Variants in LINGO3 observed in about 807,000 individuals in gnomAD.
LINGO3 encodes the protein leucine-rich repeat and immunoglobulin-like domain-containing nogo receptor-interacting protein 3.
For missense variants in LINGO3, 750 were observed against 867.7 expected, an observed-to-expected ratio of 0.86 and a Z score of 1.70; for synonymous variants, 427 against 444.2, an observed-to-expected ratio of 0.96 and a Z score of 0.49.
the LINGO3 span, among the ~76,000 whole-genome samples, chr19:2,302,326 G>T: frequency 3.3e-5 from 5 of 152,174 alleles, no homozygotes; most frequent in Non-Finnish European, 1.5e-5. Context: ...CTCCCAAAGT[G>T]CTGGGATGAC....
At chr19:2,307,235 CAGCTTCTGGGGCACATCGCCTCAGA>C in the LINGO3 span, among the ~76,000 whole-genome samples, 1 of 152,234 alleles carries the variant, frequency 6.6e-6, no homozygotes, top group African/African-American at 2.4e-5. Flanking sequence ...TGCTAAAATG[CAGCTTCTGGGGCACATCGCCTCAGA>C]AGTTCTGACT....
At chr19:2,295,021 T>G (rs142992944), upstream of LINGO3, among the ~76,000 whole-genome samples, 61 of 152,256 alleles carry the variant, frequency 4.0e-4, no homozygotes, top group East Asian at 0.01. Flanking sequence ...GATCCTCATT[T>G]GCTAAATATC....
At chr19:2,295,466 G>A (rs2025564218), upstream of LINGO3, among the ~76,000 whole-genome samples, 1 of 152,222 alleles carries the variant, frequency 6.6e-6, no homozygotes, top group South Asian at 2.1e-4. Flanking sequence ...CCGGCGCGGT[G>A]GCTCACGCCT....
the LINGO3 span, among the ~76,000 whole-genome samples, chr19:2,302,352 A>G: frequency 0.041 from 6,232 of 152,192 alleles, 440 homozygotes; most frequent in African/African-American, 0.14. Context: ...CTGAGCCACA[A>G]TGCCCGGCCC....
chr19:2,303,683 G>A, the LINGO3 span, among the ~76,000 whole-genome samples: 2 of 152,200 alleles, frequency 1.3e-5, no homozygotes, highest in Non-Finnish European at 2.9e-5. Flanking sequence ...ACCCCAGGTC[G>A]CCCTGCCTCA....
At chr19:2,301,299 T>C in the LINGO3 span, among the ~76,000 whole-genome samples, 1 of 151,070 alleles carries the variant, frequency 6.6e-6, no homozygotes, top group African/African-American at 2.4e-5. Flanking sequence ...AGGTCTCTCT[T>C]TCTTGGCCCC....
upstream of LINGO3, among the ~76,000 whole-genome samples, chr19:2,296,918 C>T (rs1200826666): frequency 6.6e-6 from 1 of 151,646 alleles, no homozygotes; most frequent in Non-Finnish European, 1.5e-5. Flanking sequence ...GAAACCCCGT[C>T]TCTACTAAAA....
upstream of LINGO3, among the ~76,000 whole-genome samples, chr19:2,293,781 G>A (rs907632212): frequency 4.0e-5 from 6 of 151,814 alleles, no homozygotes; most frequent in Admixed American, 2.6e-4. Flanking sequence ...GGCCGGGCGC[G>A]GTGGCTCACG....
At chr19:2,299,969 G>A in the LINGO3 span, among the ~76,000 whole-genome samples, 42 of 146,182 alleles carry the variant, frequency 2.9e-4, 1 homozygote, top group South Asian at 7.8e-3. Context: ...GTGATCCACC[G>A]GCCTCGGCCT....
the LINGO3 span, among the ~76,000 whole-genome samples, chr19:2,297,091 CAAAAA>C: frequency 6.8e-6 from 1 of 147,918 alleles, no homozygotes; most frequent in Admixed American, 6.7e-5. Context: ...GACTCCGTCT[CAAAAA>C]AAAATAAAAA....
At chr19:2,291,206 C>G in exon 1 of LINGO3, 3 of 1,609,946 alleles carry the variant, frequency 1.9e-6, no homozygotes, top group Middle Eastern at 1.7e-4. Flanking sequence ...AGCGACTCCC[C>G]GGACAGAGCC....
At chr19:2,296,949 G>A (rs1412859524), upstream of LINGO3, among the ~76,000 whole-genome samples, 2 of 151,648 alleles carry the variant, frequency 1.3e-5, no homozygotes, top group Non-Finnish European at 2.9e-5. Context: ...AAAATTAGCC[G>A]GGCGTGGTGG....
the LINGO3 span, among the ~76,000 whole-genome samples, chr19:2,300,220 CG>C: frequency 6.6e-6 from 1 of 151,198 alleles, no homozygotes; most frequent in Non-Finnish European, 1.5e-5. Flanking sequence ...TTAGTAGAGA[CG>C]GGGTTTCACC....
chr19:2,306,986 G>C, the LINGO3 span, among the ~76,000 whole-genome samples: 46 of 152,240 alleles, frequency 3.0e-4, no homozygotes, highest in African/African-American at 1.1e-3. Flanking sequence ...TTTCCAGCCT[G>C]CGTCCTCCAC....
downstream of LINGO3, among the ~76,000 whole-genome samples, chr19:2,288,361 CT>C (rs765431853): frequency 5.9e-5 from 9 of 152,232 alleles, no homozygotes; most frequent in Non-Finnish European, 1.3e-4. The surrounding 1 kb of genome is among the most constrained non-coding windows in gnomAD (Gnocchi z 6.5). Context: ...CGGGAACCCC[CT>C]GTGCTCTTTG....
At chr19:2,302,748 C>T in the LINGO3 span, among the ~76,000 whole-genome samples, 2 of 152,246 alleles carry the variant, frequency 1.3e-5, no homozygotes, top group African/African-American at 4.8e-5. Context: ...CACGACCAGC[C>T]GCAGCTGAGG....
At chr19:2,288,612 C>T (rs953100937), downstream of LINGO3, among the ~76,000 whole-genome samples, 3 of 152,286 alleles carry the variant, frequency 2.0e-5, no homozygotes, top group South Asian at 2.1e-4. This position sits in a 1 kb window ranked among gnomAD's most constrained non-coding sequence, Gnocchi z 6.5. Context: ...CACGTGGCAG[C>T]GGAGGGAGGC....
chr19:2,306,135 C>A, the LINGO3 span, among the ~76,000 whole-genome samples: 1 of 152,220 alleles, frequency 6.6e-6, no homozygotes, highest in African/African-American at 2.4e-5. Flanking sequence ...CCGGCCACTT[C>A]ACCCACTAGC....
rs2025503209 is a variant in LINGO3, at chr19:2,290,118, G to T, written c.1659C>A (p.Ser553Arg). 1 of 1,610,818 alleles carries T rather than the reference G, an allele frequency of 6.2e-7. No individual in the cohort carries two copies. Residue 553 changes from serine (S) to arginine (R), a missense_variant, in exon 1 of 1, where the codon AGC becomes AGA. Physicochemically the swap from Ser to Arg is moderately radical, Grantham distance 110. Coordinates refer to ENST00000585527, the Ensembl canonical transcript of LINGO3. The surrounding 1 kb of genome is among the most constrained non-coding windows in gnomAD (Gnocchi z 6.0). ...TGTTTTTGTGCTGCCCGCGGCCGCGGCTCCACACGAACAGCAGCACGAAGC... is the reference window on the plus strand; with the variant it reads ...TGTTTTTGTGCTGCCCGCGGCCGCGTCTCCACACGAACAGCAGCACGAAGC...
Sources: allele counts gnomAD v4.1 joint callset (sites outside exome capture counted in the v4.1 genomes callset), GRCh38; gene constraint gnomAD v4.1.1; non-coding constraint Gnocchi (gnomAD v3.1); transcripts MANE v1.5; gene names NCBI Gene and HGNC (gene_info 2026-07-23, HGNC 2026-07-21).